Variants in PHF20 observed in about 807,000 individuals in gnomAD.
PHF20 encodes the protein glioma-expressed antigen 2.
In PHF20, 23 loss-of-function variants were observed where a neutral mutation model predicts 113.5. The ratio of observed to expected loss-of-function variants is 0.20; its 90% CI spans 0.15 to 0.29. PHF20 has a LOEUF of 0.29. Among genes scored for constraint, PHF20 ranks in the 10% least tolerant of loss-of-function variants. The pLI is 1.00. For missense variants in PHF20, 943 were observed against 1,219.6 expected (o/e 0.77, Z 3.38); for synonymous variants, 434 against 457.3 (o/e 0.95, Z 0.65).
intron 9 of PHF20, among the ~76,000 whole-genome samples, chr20:35,897,759 G>A (rs1306684069): frequency 6.6e-6 from 1 of 151,746 alleles, no homozygotes; most frequent in Non-Finnish European, 1.5e-5. Context: ...AGTAGAGACA[G>A]GGTTTCACCA....
Position 35,871,039 on chromosome 20 carries a change from C to G in PHF20, c.1007C>G (p.Thr336Ser). The change falls in exon 8 of 18, where the codon ACC (threonine) becomes AGC (serine). Residue 336 changes from threonine (T) to serine (S), a missense_variant. Transcript: ENST00000374012. Reference sequence around the variant, plus strand: ...TCCTCCAGGCTGTCCACTAATGGGACCCATGAGATCCTAGATCCTGACTTG... The same window carrying G: ...TCCTCCAGGCTGTCCACTAATGGGAGCCATGAGATCCTAGATCCTGACTTG... The part of the protein sequence containing the change: ...RRSSRLSTNG[T>S]HEILDPDLVV... 3.7e-6 allele frequency: 6 copies of G among 1,612,690 alleles called. No homozygotes were observed. Among genetic ancestry groups the G allele is most frequent in the Non-Finnish European group, 5.1e-6 (6 of 1,179,508 alleles).
chr20:35,921,985 T>C (rs1316302498), intron 13 of PHF20, among the ~76,000 whole-genome samples: 2 of 152,210 alleles, frequency 1.3e-5, no homozygotes, highest in Non-Finnish European at 2.9e-5. Flanking sequence ...TTGACTTTTC[T>C]ATAAGTAGCA....
At chr20:35,871,892 T>TA (rs11308881) in intron 9 of PHF20, 63 bp downstream of exon 9, 45,294 of 941,458 alleles carry the variant, frequency 0.048, 239 homozygotes, top group African/African-American at 0.1. Context: ...CTTTGTGAAC[T>TA]AAAAAAAAAA....
Position 35,876,067 on chromosome 20 carries a change from C to T in PHF20, c.1282+4238C>T, listed in dbSNP as rs6060653. Among the ~76,000 whole-genome samples the T allele has an allele frequency of 1.9e-3, 285 of 152,282 alleles. 4 individuals carry two copies. Among genetic ancestry groups the T allele is most frequent in the African/African-American group, 6.5e-3 (270 of 41,550 alleles). Reference sequence around the variant, plus strand: ...TTTCATGTCGTCGTCTGCATCCTTACAAAGGTCTCACAGTAGCCTTTCTAA... The same window carrying T: ...TTTCATGTCGTCGTCTGCATCCTTATAAAGGTCTCACAGTAGCCTTTCTAA... On this transcript the variant is annotated intron_variant, in intron 9 of 17. Coordinates refer to ENST00000374012, the MANE Select transcript of PHF20 (RefSeq NM_016436.5).
intron 1 of PHF20, among the ~76,000 whole-genome samples, chr20:35,776,690 C>T (rs2041182134): frequency 6.6e-6 from 1 of 152,292 alleles, no homozygotes; most frequent in Admixed American, 6.5e-5. Flanking sequence ...TTTTGTGTCC[C>T]TGTCCTCCTC....
chr20:35,863,389 T>C lies in PHF20; in HGVS notation c.797T>C (p.Ile266Thr). The C allele has an allele frequency of 6.3e-7, 1 of 1,598,116 alleles. No homozygotes were observed. The highest frequency in any genetic ancestry group is 1.8e-5 in the Admixed American group (1 of 55,282). The change falls in exon 6 of 18, where the codon ATA (isoleucine) becomes ACA (threonine). Residue 266 changes from isoleucine (I) to threonine (T), a missense_variant. By Grantham distance (89) the Ile-to-Thr change is moderately conservative. This residue lies in a region of PHF20 where 592 missense variants were observed against 787.2 expected (regional missense o/e 0.75). Coordinates refer to ENST00000374012, the MANE Select transcript of PHF20 (RefSeq NM_016436.5). ...AGAAAACGAGGCAGACCCCCTTCCA[T>C]AGCTCCTACTGGTGAGTTTTTTAAG... ...PKRKRGRPPS[I>T]APTAVDSNSQ...
At chr20:35,878,550 T>A (rs1319814706) in intron 9 of PHF20, 1 of 716,086 alleles carries the variant, frequency 1.4e-6, no homozygotes, top group Non-Finnish European at 2.6e-6. Context: ...CCATTCGTAC[T>A]TGTTGGAATA....
At chr20:35,901,604 C>T (rs530663781) in intron 10 of PHF20, among the ~76,000 whole-genome samples, 10 of 152,250 alleles carry the variant, frequency 6.6e-5, no homozygotes, top group African/African-American at 9.6e-5. Flanking sequence ...AAATTAATCT[C>T]CTTTTCAGTC....
chr20:35,922,134 A>T (rs1472580912), intron 13 of PHF20, among the ~76,000 whole-genome samples: 5 of 152,176 alleles, frequency 3.3e-5, no homozygotes. Flanking sequence ...CAGGCTCCAC[A>T]AGACCTTGTG....
intron 9 of PHF20, among the ~76,000 whole-genome samples, chr20:35,893,699 C>T (rs1360415431): frequency 6.6e-6 from 1 of 152,082 alleles, no homozygotes; most frequent in Non-Finnish European, 1.5e-5. Context: ...ATTTCAACCT[C>T]CACCTAGCAG....
chr20:35,908,860 A>G (rs917786047), intron 10 of PHF20, among the ~76,000 whole-genome samples: 2 of 152,206 alleles, frequency 1.3e-5, no homozygotes, highest in Admixed American at 6.5e-5. Flanking sequence ...TAGAAAAGCA[A>G]TAGATTGTTG....
intron 9 of PHF20, chr20:35,878,743 C>T (rs76054912): frequency 0.033 from 24,580 of 746,648 alleles, 590 homozygotes; most frequent in African/African-American, 0.099. Context: ...GAAGAAGAGA[C>T]GCTGTCTTGC....
intron 2 of PHF20, among the ~76,000 whole-genome samples, chr20:35,810,624 G>C (rs76012919): frequency 0.048 from 7,263 of 152,086 alleles, 213 homozygotes; most frequent in African/African-American, 0.089. Context: ...GTCACACAGT[G>C]GTAGGACTAG....
chr20:35,828,322 C>T (rs1388773241), intron 2 of PHF20, among the ~76,000 whole-genome samples: 1 of 152,098 alleles, frequency 6.6e-6, no homozygotes. Context: ...CCGCGCCCAG[C>T]CTCATTAATT....
intron 4 of PHF20, chr20:35,856,261 C>T (rs1217548284): frequency 1.3e-5 from 2 of 152,136 alleles, no homozygotes; most frequent in African/African-American, 2.4e-5. Context: ...ACACCTGTGA[C>T]AAATAATCAC....
intron 1 of PHF20, among the ~76,000 whole-genome samples, chr20:35,784,369 AT>A (rs1355056921): frequency 7.1e-6 from 1 of 140,950 alleles, no homozygotes; most frequent in Non-Finnish European, 1.5e-5. Flanking sequence ...TTTTCCCCTC[AT>A]TTTCACACAC....
At chr20:35,939,895 A>G (rs562712810) in intron 16 of PHF20, among the ~76,000 whole-genome samples, 1 of 152,320 alleles carries the variant, frequency 6.6e-6, no homozygotes, top group African/African-American at 2.4e-5. Context: ...ATTGTATCTC[A>G]TGCATCCTTG....
chr20:35,794,777 T>C (rs866744154), intron 1 of PHF20, among the ~76,000 whole-genome samples: 38 of 152,284 alleles, frequency 2.5e-4, no homozygotes, highest in Admixed American at 2.0e-3. Context: ...GTCCCTCTTT[T>C]CCCTGAGCAC....
chr20:35,865,734 A>C (rs1027987557), intron 6 of PHF20, among the ~76,000 whole-genome samples: 1 of 152,066 alleles, frequency 6.6e-6, no homozygotes, highest in African/African-American at 2.4e-5. Flanking sequence ...CTGGGCCTCA[A>C]GCAAGCAATC....
Sources: allele counts gnomAD v4.1 joint callset (sites outside exome capture counted in the v4.1 genomes callset), GRCh38; gene constraint gnomAD v4.1.1; regional missense constraint gnomAD v4.1.1; transcripts MANE v1.5; gene names NCBI Gene and HGNC (gene_info 2026-07-23, HGNC 2026-07-21).